Variants in ZC3HAV1 observed in about 807,000 individuals in gnomAD.
ZC3HAV1 encodes the protein zinc finger CCCH-type containing, antiviral 1.
ZC3HAV1 carries 41 observed loss-of-function variants against 86.6 expected under a neutral mutation model. The observed-to-expected ratio is 0.47, with a 90% CI of 0.37 to 0.61. The LOEUF is 0.61. ZC3HAV1 is among the 20% of genes least tolerant of loss of function. The pLI, the probability that ZC3HAV1 is intolerant of heterozygous loss-of-function variation, is 0.00. For synonymous variants in ZC3HAV1, 421 were observed against 432.1 expected, an observed-to-expected ratio of 0.97 and a Z score of 0.32; for missense variants, 964 against 1,141.1, an observed-to-expected ratio of 0.84 and a Z score of 2.24.
intron 1 of ZC3HAV1, among the ~76,000 whole-genome samples, chr7:139,097,422 A>T (rs369130897): frequency 0.074 from 5,834 of 78,894 alleles, 474 homozygotes; most frequent in Non-Finnish European, 0.092. Flanking sequence ...ATATATATAT[A>T]TATATATTTT....
At chr7:139,089,574 A>G in intron 2 of ZC3HAV1, 50 bp downstream of exon 2, 1 of 1,534,452 alleles carries the variant, frequency 6.5e-7, no homozygotes, top group Non-Finnish European at 8.7e-7. Flanking sequence ...TCTGTGACAC[A>G]ATACTGCCAG....
intron 2 of ZC3HAV1, among the ~76,000 whole-genome samples, chr7:139,085,739 A>T (rs1817254237): frequency 6.6e-6 from 1 of 152,164 alleles, no homozygotes; most frequent in South Asian, 2.1e-4. Flanking sequence ...CAGGCTGGGC[A>T]TGGTGGCTCA....
intron 9 of ZC3HAV1, among the ~76,000 whole-genome samples, chr7:139,058,605 A>C (rs1225832003): frequency 6.6e-6 from 1 of 152,210 alleles, no homozygotes; most frequent in African/African-American, 2.4e-5. Flanking sequence ...AAGTACTATA[A>C]GGGAATCTCG....
chr7:139,082,743 C>T (rs566834581), intron 3 of ZC3HAV1, among the ~76,000 whole-genome samples: 74 of 152,154 alleles, frequency 4.9e-4, no homozygotes, highest in South Asian at 4.8e-3. Flanking sequence ...AAATATTGTA[C>T]GATTCCACTT....
Position 139,109,547 on chromosome 7 carries a change from AG to A in ZC3HAV1, c.-217del. 1.8e-6 allele frequency: 1 copy of A among 565,060 alleles called. No individual in the cohort carries two copies. The highest frequency in any genetic ancestry group is 2.9e-6 in the Non-Finnish European group (1 of 342,310). The allele number at this position is 565,060 out of a possible 1,614,324, so 35.0% of individuals were successfully genotyped here. A position where few individuals can be genotyped will look rare whatever the true frequency, so the allele number is the denominator to read the frequency against. On this transcript the variant is annotated 5_prime_UTR_variant, in exon 1 of 13. Coordinates refer to ENST00000242351, the MANE Select transcript of ZC3HAV1 (RefSeq NM_020119.4). ...GGCTAGATCTCACCGACCGGGTCCTAGTGGCAGGTTTACAGCCGGCCGCAAG... is the reference window on the plus strand; with the variant it reads ...GGCTAGATCTCACCGACCGGGTCCTATGGCAGGTTTACAGCCGGCCGCAAG...
intron 7 of ZC3HAV1, among the ~76,000 whole-genome samples, chr7:139,067,908 G>A (rs1768314125): frequency 6.6e-6 from 1 of 151,976 alleles, no homozygotes; most frequent in Admixed American, 6.6e-5. Context: ...AAGTTAATTG[G>A]GTGGAGAAGT....
At chr7:139,094,491 ATAACT>A (rs1421061347) in intron 1 of ZC3HAV1, among the ~76,000 whole-genome samples, 1 of 140,812 alleles carries the variant, frequency 7.1e-6, no homozygotes, top group Non-Finnish European at 1.5e-5. Context: ...GTAGGAGGTG[ATAACT>A]TAAAAAAAAA....
intron 1 of ZC3HAV1, among the ~76,000 whole-genome samples, chr7:139,093,913 G>A (rs377749765): frequency 2.0e-5 from 3 of 151,766 alleles, no homozygotes; most frequent in East Asian, 1.9e-4. Flanking sequence ...CCTTCCTTCC[G>A]ACTTTCTTCT....
At chr7:139,093,788 T>G (rs1817501033) in intron 1 of ZC3HAV1, among the ~76,000 whole-genome samples, 1 of 152,152 alleles carries the variant, frequency 6.6e-6, no homozygotes, top group East Asian at 1.9e-4. Flanking sequence ...CAAAGCCTGT[T>G]TGGTGGTCTC....
intron 7 of ZC3HAV1, among the ~76,000 whole-genome samples, chr7:139,066,270 G>C (rs1367086902): frequency 6.6e-6 from 1 of 152,138 alleles, no homozygotes; most frequent in Non-Finnish European, 1.5e-5. Flanking sequence ...CAGACTTTCA[G>C]CTGGACCGAC....
intron 2 of ZC3HAV1, among the ~76,000 whole-genome samples, chr7:139,089,386 A>G (rs1002941648): frequency 6.6e-6 from 1 of 152,060 alleles, no homozygotes; most frequent in African/African-American, 2.4e-5. Flanking sequence ...GCTCATACTT[A>G]CTCACACAGG....
At position 139,108,346 on chromosome 7, in the gene ZC3HAV1, AAG is replaced by A. The variant is rs1341469261; in HGVS notation, c.308+676_308+677del. Among the ~76,000 whole-genome samples, 1 of 151,874 alleles carries A rather than the reference AAG, an allele frequency of 6.6e-6. No individual in the cohort carries two copies. Among genetic ancestry groups the A allele is most frequent in the African/African-American group, 2.4e-5 (1 of 41,322 alleles). On this transcript the variant is annotated intron_variant, in intron 1 of 12. Transcript: ENST00000242351. The surrounding 1 kb of genome is among the most constrained non-coding windows in gnomAD (Gnocchi z 4.2). ...GAGCCACACTGCTTCAAAGGGATTT[AAG>A]AGAGTTGTCCCAAGGCAGGCGGTCA...
At position 139,079,447 on chromosome 7, in the gene ZC3HAV1, A is replaced by G. The variant is rs545622508; in HGVS notation, c.1471+23T>C. 30 of 1,614,090 alleles carry G rather than the reference A, an allele frequency of 1.9e-5. No homozygotes were observed. In the Middle Eastern group the frequency reaches 6.6e-4, roughly 36 times the overall value. ...TATCATGAACAAATGTACTAGCCCAAAGTGTCTTCCCTTTGTATTTACCGT... is the reference window on the plus strand; with the variant it reads ...TATCATGAACAAATGTACTAGCCCAGAGTGTCTTCCCTTTGTATTTACCGT... On this transcript the variant is annotated intron_variant, in intron 4 of 12. Coordinates refer to ENST00000242351, the MANE Select transcript of ZC3HAV1 (RefSeq NM_020119.4).
In ZC3HAV1 at chr7:139,045,899, C is replaced by CAAT. The variant is rs1491062003; in HGVS notation, c.*1694_*1695insATT. 2 of 103,674 alleles carry CAAT rather than the reference C, an allele frequency of 1.9e-5. No homozygotes were observed. The highest frequency in any genetic ancestry group is 8.2e-5 in the African/African-American group (2 of 24,296). The allele number at this position is 103,674 out of a possible 1,614,324, so 6.4% of individuals were successfully genotyped here. On this transcript the variant is annotated 3_prime_UTR_variant, in exon 13 of 13. Coordinates refer to ENST00000242351, the MANE Select transcript of ZC3HAV1 (RefSeq NM_020119.4). The stretch of plus-strand genomic sequence containing the variant: ...AGAAAATAACTCTACTCTAAAAAAA[C>CAAT]TATTTTTTTTTTTTTTTTTTTTTTT...
intron 1 of ZC3HAV1, among the ~76,000 whole-genome samples, chr7:139,101,769 C>T (rs375472135): frequency 0.012 from 1,814 of 148,130 alleles, 19 homozygotes; most frequent in Non-Finnish European, 0.02. Flanking sequence ...GGATTAAGGG[C>T]GGTGCAAGAT....
intron 9 of ZC3HAV1, 53 bp downstream of exon 9, chr7:139,060,983 G>A (rs1816427040): frequency 6.2e-7 from 1 of 1,610,690 alleles, no homozygotes; most frequent in Non-Finnish European, 8.5e-7. Context: ...GATGAGCCCA[G>A]GGCATGAACA....
rs1323786343 is a variant in ZC3HAV1, at chr7:139,045,927, T to TTC, written c.*1666_*1667insGA. ...TTTTTTTTTTTTTTTTTTTTTTTTT[T>TTC]TTTTACCGGTGGAGCTGTTTAAGCC... is the stretch of plus-strand genomic sequence containing the variant. On this transcript the variant is annotated 3_prime_UTR_variant, in exon 13 of 13. Coordinates refer to ENST00000242351, the MANE Select transcript of ZC3HAV1 (RefSeq NM_020119.4). 2 of 100,564 alleles carry TTC rather than the reference T, an allele frequency of 2.0e-5. No individual in the cohort carries two copies. Among genetic ancestry groups the TTC allele is most frequent in the African/African-American group, 7.6e-5 (2 of 26,304 alleles). 6.2% of individuals were successfully genotyped at this position (100,564 alleles called of 1,614,324 possible).
intron 3 of ZC3HAV1, among the ~76,000 whole-genome samples, chr7:139,081,135 G>GTGTGGCGTGC (rs945836798): frequency 6.6e-6 from 1 of 152,140 alleles, no homozygotes; most frequent in African/African-American, 2.4e-5. Flanking sequence ...TGTGGAGTGT[G>GTGTGGCGTGC]TGTGGCGTGC....
intron 8 of ZC3HAV1, among the ~76,000 whole-genome samples, chr7:139,063,723 CAAAAAAAAAA>C (rs57944873): frequency 1.2e-4 from 9 of 73,952 alleles, no homozygotes; most frequent in Non-Finnish European, 1.7e-4. Flanking sequence ...GACCCTGTCT[CAAAAAAAAAA>C]AAAAAAAAAA....
Sources: allele counts gnomAD v4.1 joint callset (sites outside exome capture counted in the v4.1 genomes callset), GRCh38; gene constraint gnomAD v4.1.1; non-coding constraint Gnocchi (gnomAD v3.1); transcripts MANE v1.5; gene names NCBI Gene and HGNC (gene_info 2026-07-23, HGNC 2026-07-21).